Variants in FARS2 observed in about 807,000 individuals in gnomAD.
The protein encoded by FARS2 is phenylalanyl-tRNA synthetase 2, mitochondrial.
In FARS2, 40 loss-of-function variants were observed where a neutral mutation model predicts 46.4. The observed-to-expected ratio is 0.86, with a 90% CI of 0.67 to 1.12. The LOEUF is 1.12. Ranked by LOEUF, FARS2 falls within the 50% of genes most tolerant of loss-of-function variation. The pLI, the probability that FARS2 is intolerant of heterozygous loss-of-function variation, is 0.00. For missense variants in FARS2, 513 were observed against 567.9 expected, an observed-to-expected ratio of 0.90 and a Z score of 0.98; for synonymous variants, 234 against 214.9, an observed-to-expected ratio of 1.09 and a Z score of -0.78.
intron 6 of FARS2, among the ~76,000 whole-genome samples, chr6:5,653,939 G>C (rs1561779542): frequency 6.6e-6 from 1 of 152,206 alleles, no homozygotes; most frequent in South Asian, 2.1e-4. Flanking sequence ...TGAACATTCA[G>C]AAGTTTCCTA....
At chr6:5,554,487 C>T (rs560524143) in intron 5 of FARS2, among the ~76,000 whole-genome samples, 1 of 152,278 alleles carries the variant, frequency 6.6e-6, no homozygotes, top group East Asian at 1.9e-4. Context: ...TAGCAAACAT[C>T]AGCCATGAGT....
intron 4 of FARS2, among the ~76,000 whole-genome samples, chr6:5,512,272 G>C (rs1178476950): frequency 6.6e-6 from 1 of 152,092 alleles, no homozygotes; most frequent in African/African-American, 2.4e-5. Context: ...AGCCAGTTCT[G>C]GAATTGACTT....
upstream of FARS2, among the ~76,000 whole-genome samples, chr6:5,256,491 G>GAAAAAAAA (rs1161084364): frequency 2.3e-5 from 1 of 43,880 alleles, no homozygotes; most frequent in Non-Finnish European, 3.6e-5. Flanking sequence ...ATTTCAACTG[G>GAAAAAAAA]AAAAAAAAAA....
rs1354061484 is a variant in FARS2 at position 5,663,438 on chromosome 6, T to G, written c.1217+50118T>G. 3.9e-5 allele frequency among the ~76,000 whole-genome samples: 6 copies of G among 152,350 alleles called. No homozygotes were observed. In the East Asian group the frequency reaches 1.2e-3, roughly 29 times the overall value. On this transcript the variant is annotated intron_variant, in intron 6 of 6. Transcript: ENST00000274680. ...TTATTCAAAGCTGCTCTGTGCTCCC[T>G]TAATTGAAAAGCCCTGACATTGACA...
chr6:5,689,234 C>T (rs1310685937), intron 6 of FARS2, among the ~76,000 whole-genome samples: 1 of 152,074 alleles, frequency 6.6e-6, no homozygotes, highest in Non-Finnish European at 1.5e-5. Flanking sequence ...TATTTCTTGC[C>T]TTCTAGCTTT....
chr6:5,643,049 A>T (rs535132472), intron 6 of FARS2, among the ~76,000 whole-genome samples: 1 of 152,372 alleles, frequency 6.6e-6, no homozygotes, highest in South Asian at 2.1e-4. Context: ...GGTTCAGAGC[A>T]TGAGTTTCAG....
chr6:5,562,644 T>C (rs754425986), intron 5 of FARS2, among the ~76,000 whole-genome samples: 3 of 150,944 alleles, frequency 2.0e-5, no homozygotes, highest in Non-Finnish European at 4.4e-5. Context: ...TTTATGTAAG[T>C]CAGTCAAATG....
intron 3 of FARS2, among the ~76,000 whole-genome samples, chr6:5,422,272 A>G (rs560477891): frequency 6.6e-5 from 10 of 152,228 alleles, no homozygotes; most frequent in African/African-American, 1.7e-4. Flanking sequence ...CCCTTCCACA[A>G]TGCGTGGGAA....
intron 5 of FARS2, among the ~76,000 whole-genome samples, chr6:5,548,999 C>T (rs1198727426): frequency 1.3e-5 from 2 of 152,048 alleles, no homozygotes; most frequent in Non-Finnish European, 2.9e-5. Flanking sequence ...TTGTTAGTTT[C>T]CTGTTGCTTA....
Position 5,764,417 on chromosome 6 carries a change from A to G in FARS2, c.1218-6874A>G, listed in dbSNP as rs1012629576. Among the ~76,000 whole-genome samples the G allele has an allele frequency of 1.3e-5, 2 of 151,972 alleles. No homozygotes were observed. Among genetic ancestry groups the G allele is most frequent in the African/African-American group, 2.4e-5 (1 of 41,352 alleles). On this transcript the variant is annotated intron_variant, in intron 6 of 6. Transcript: ENST00000274680. This position sits in a 1 kb window ranked among gnomAD's most constrained non-coding sequence, Gnocchi z 4.1. ...CGAGTCCAGCCCTACCCACTAAAGC[A>G]TTGCACGTATTGACCCTCGCAGCCA...
intron 2 of FARS2, among the ~76,000 whole-genome samples, chr6:5,374,047 T>C (rs950911309): frequency 2.0e-4 from 30 of 152,102 alleles, no homozygotes; most frequent in Non-Finnish European, 3.4e-4. Context: ...AGTCATTTTG[T>C]TTTAGAGATA....
intron 6 of FARS2, among the ~76,000 whole-genome samples, chr6:5,691,113 G>C (rs1757682266): frequency 6.6e-6 from 1 of 151,990 alleles, no homozygotes; most frequent in African/African-American, 2.4e-5. Flanking sequence ...AAGGTTTTTA[G>C]CTTATTTGCA....
chr6:5,484,386 A>G (rs981765614), intron 4 of FARS2, among the ~76,000 whole-genome samples: 7 of 152,214 alleles, frequency 4.6e-5, no homozygotes, highest in African/African-American at 1.4e-4. Flanking sequence ...AGGTGGCAAC[A>G]CAGTCCATTA....
intron 1 of FARS2, among the ~76,000 whole-genome samples, chr6:5,339,997 G>T (rs1490348569): frequency 6.6e-6 from 1 of 152,168 alleles, no homozygotes; most frequent in African/African-American, 2.4e-5. Flanking sequence ...TCTCTTATGT[G>T]GCTATGGGTG....
At chr6:5,312,997 A>T (rs76615509) in intron 1 of FARS2, among the ~76,000 whole-genome samples, 1,730 of 152,268 alleles carry the variant, frequency 0.011, 30 homozygotes, top group African/African-American at 0.04. Flanking sequence ...CATCAAATAC[A>T]AATTTGAGGA....
At chr6:5,492,918 C>T (rs74493561) in intron 4 of FARS2, among the ~76,000 whole-genome samples, 16,556 of 152,324 alleles carry the variant, frequency 0.11, 972 homozygotes, top group Admixed American at 0.16. Context: ...ATGTTATAAG[C>T]ATGCCCTTGC....
At chr6:5,670,943 T>C (rs1432213666) in intron 6 of FARS2, among the ~76,000 whole-genome samples, 1 of 152,126 alleles carries the variant, frequency 6.6e-6, no homozygotes, top group East Asian at 1.9e-4. Context: ...CTCAAGACTA[T>C]ATATTCAGCA....
chr6:5,429,534 C>T (rs761430465), intron 3 of FARS2, among the ~76,000 whole-genome samples: 11 of 152,212 alleles, frequency 7.2e-5, no homozygotes, highest in South Asian at 2.1e-4. Context: ...GGCCGAGTGC[C>T]GTGGCTCCTG....
chr6:5,407,814 A>G (rs190453950), intron 3 of FARS2, among the ~76,000 whole-genome samples: 10 of 152,342 alleles, frequency 6.6e-5, no homozygotes, highest in African/African-American at 2.4e-4. Flanking sequence ...CTTTCATGAT[A>G]AAAGAAAGGA....
Sources: gnomAD v4.1 joint callset for allele counts (sites outside exome capture counted in the v4.1 genomes callset) on GRCh38, gnomAD v4.1.1 for gene constraint, Gnocchi (gnomAD v3.1) non-coding constraint, MANE v1.5 for transcripts, NCBI Gene and HGNC (gene_info 2026-07-23, HGNC 2026-07-21) for gene names.